Variants in CEP112 observed in about 807,000 individuals in gnomAD.
CEP112 encodes the protein centrosomal protein of 112 kDa.
Under a neutral mutation model 153.0 loss-of-function variants are expected in CEP112, and 127 were observed. That is an observed-to-expected ratio of 0.83 (90% CI 0.72 to 0.96). CEP112 has a LOEUF of 0.96. Ranked by LOEUF, CEP112 falls within the 40% of genes least tolerant of loss-of-function variation. The pLI, the probability that CEP112 is intolerant of heterozygous loss-of-function variation, is 0.00. For missense variants in CEP112, 1,089 were observed against 1,101.2 expected (o/e 0.99, Z 0.16); for synonymous variants, 358 against 374.4 (o/e 0.96, Z 0.51).
At chr17:65,894,080 G>C (rs1157975837) in intron 20 of CEP112, among the ~76,000 whole-genome samples, 2 of 152,074 alleles carry the variant, frequency 1.3e-5, no homozygotes, top group Non-Finnish European at 2.9e-5. Context: ...TAAGGAAGAA[G>C]AGTTATTCAT....
chr17:65,643,787 C>G (rs1438575167), intron 24 of CEP112, among the ~76,000 whole-genome samples: 1 of 152,200 alleles, frequency 6.6e-6, no homozygotes, highest in Non-Finnish European at 1.5e-5. Context: ...TCAGGGCTTT[C>G]AGGAGTCCCT....
At chr17:66,121,487 T>A (rs2069586881) in intron 6 of CEP112, among the ~76,000 whole-genome samples, 1 of 152,294 alleles carries the variant, frequency 6.6e-6, no homozygotes, top group Non-Finnish European at 1.5e-5. Flanking sequence ...ATTACACATA[T>A]GTTGGTGCAC....
At chr17:66,135,573 C>T (rs764775089) in intron 4 of CEP112, among the ~76,000 whole-genome samples, 48 of 152,048 alleles carry the variant, frequency 3.2e-4, no homozygotes, top group Non-Finnish European at 2.5e-4. Flanking sequence ...AGCAGAAAAG[C>T]GGTATTGTGC....
chr17:65,651,861 C>T (rs2045799548), intron 24 of CEP112, among the ~76,000 whole-genome samples: 1 of 152,078 alleles, frequency 6.6e-6, no homozygotes, highest in Non-Finnish European at 1.5e-5. Flanking sequence ...CACCACTACA[C>T]CCAGCTAATT....
At chr17:65,905,352 G>T (rs2060030608) in intron 19 of CEP112, among the ~76,000 whole-genome samples, 1 of 152,142 alleles carries the variant, frequency 6.6e-6, no homozygotes, top group Non-Finnish European at 1.5e-5. Flanking sequence ...ATGGAAAAAA[G>T]CTCATCATCA....
chr17:66,079,648 G>T (rs1449605924), intron 8 of CEP112, among the ~76,000 whole-genome samples: 2 of 151,870 alleles, frequency 1.3e-5, no homozygotes, highest in Non-Finnish European at 2.9e-5. Context: ...CACAGAATTA[G>T]AAAAAACTAC....
At chr17:66,008,224 T>C (rs1365477447) in intron 16 of CEP112, among the ~76,000 whole-genome samples, 1 of 152,112 alleles carries the variant, frequency 6.6e-6, no homozygotes, top group Non-Finnish European at 1.5e-5. Context: ...AAGTCACATA[T>C]TCATATCATA....
At chr17:65,658,274 G>A (rs1002177739) in intron 24 of CEP112, among the ~76,000 whole-genome samples, 3 of 152,208 alleles carry the variant, frequency 2.0e-5, no homozygotes, top group African/African-American at 7.2e-5. Context: ...GAAATATTGT[G>A]ATGGAATCTC....
intron 6 of CEP112, among the ~76,000 whole-genome samples, chr17:66,123,731 T>C (rs1387099881): frequency 6.6e-6 from 1 of 152,300 alleles, no homozygotes; most frequent in East Asian, 1.9e-4. Flanking sequence ...CATTTTGATA[T>C]GTTGTGTTGT....
At chr17:66,188,618 A>G (rs1263093704) in intron 1 of CEP112, among the ~76,000 whole-genome samples, 1 of 148,542 alleles carries the variant, frequency 6.7e-6, no homozygotes, top group East Asian at 2.1e-4. Flanking sequence ...GTGTATTATT[A>G]TGCATACATC....
chr17:65,928,924 T>A (rs1419536184), intron 18 of CEP112, among the ~76,000 whole-genome samples: 1 of 152,184 alleles, frequency 6.6e-6, no homozygotes, highest in Non-Finnish European at 1.5e-5. Context: ...TGGATGAGCC[T>A]TGACAGCATT....
intron 21 of CEP112, among the ~76,000 whole-genome samples, chr17:65,812,304 A>G (rs993787326): frequency 3.9e-5 from 6 of 152,192 alleles, no homozygotes; most frequent in Admixed American, 3.9e-4. Flanking sequence ...CACCCGGCCT[A>G]AAGAATTTTT....
At chr17:65,902,463 A>C in intron 19 of CEP112, 129 bp from the exon 20 acceptor site, 1 of 591,222 alleles carries the variant, frequency 1.7e-6, no homozygotes. Flanking sequence ...TTATTACCTC[A>C]CCCTCGAAAT....
chr17:66,154,676 A>T (rs1180900962), intron 4 of CEP112, among the ~76,000 whole-genome samples: 1 of 152,178 alleles, frequency 6.6e-6, no homozygotes, highest in African/African-American at 2.4e-5. Flanking sequence ...AGAAGCTTCT[A>T]GAAAATAACA....
At position 66,024,120 on chromosome 17, in the gene CEP112, C is replaced by A. The variant is rs994169578; in HGVS notation, c.1656+3381G>T. On this transcript the variant is annotated intron_variant, in intron 16 of 26. Coordinates refer to ENST00000535342, the MANE Select transcript of CEP112 (RefSeq NM_001199165.4). Reference sequence around the variant, plus strand: ...AAAGCATTTGTTAAAACTGACCGCACCCTAATGATAAAAACCTTCAACAAA... The same window carrying A: ...AAAGCATTTGTTAAAACTGACCGCAACCTAATGATAAAAACCTTCAACAAA... 7.2e-5 allele frequency among the ~76,000 whole-genome samples: 11 copies of A among 152,164 alleles called. No individual in the cohort carries two copies. In the East Asian group the frequency reaches 2.1e-3, roughly 29 times the overall value.
chr17:65,937,555 C>A (rs530597869), intron 18 of CEP112, among the ~76,000 whole-genome samples: 2 of 88,870 alleles, frequency 2.3e-5, no homozygotes, highest in East Asian at 7.7e-4. Flanking sequence ...CCGCCCCGTC[C>A]GGGAGGGAGG....
At chr17:65,832,079 T>C (rs2146125447) in intron 21 of CEP112, among the ~76,000 whole-genome samples, 1 of 152,310 alleles carries the variant, frequency 6.6e-6, no homozygotes, top group Admixed American at 6.5e-5. Context: ...AACAACATGC[T>C]CCTGAATGAC....
At chr17:65,923,637 G>A (rs1450347630) in intron 19 of CEP112, among the ~76,000 whole-genome samples, 2 of 152,176 alleles carry the variant, frequency 1.3e-5, no homozygotes, top group Admixed American at 1.3e-4. Flanking sequence ...ACTTATCCAA[G>A]TAATGCATAA....
chr17:65,900,382 T>A (rs1250642611), intron 20 of CEP112, among the ~76,000 whole-genome samples: 1 of 152,146 alleles, frequency 6.6e-6, no homozygotes, highest in Non-Finnish European at 1.5e-5. Context: ...ATACTTAATG[T>A]TTCAATAGGA....
Sources: allele counts gnomAD v4.1 joint callset (sites outside exome capture counted in the v4.1 genomes callset), GRCh38; gene constraint gnomAD v4.1.1; transcripts MANE v1.5; gene names NCBI Gene and HGNC (gene_info 2026-07-23, HGNC 2026-07-21).